SLC25A25: variants seen among roughly 807,000 people sequenced by gnomAD.
SLC25A25 encodes mitochondrial adenyl nucleotide antiporter SLC25A25.
Under a neutral mutation model 57.7 loss-of-function variants are expected in SLC25A25, and 32 were observed. That is an observed-to-expected ratio of 0.55 (90% CI 0.42 to 0.74). SLC25A25 has a LOEUF of 0.74. Among genes scored for constraint, SLC25A25 ranks in the 30% least tolerant of loss-of-function variants. SLC25A25 has a pLI of 0.00. For missense variants in SLC25A25, 556 were observed against 701.3 expected (o/e 0.79, Z 2.34); for synonymous variants, 306 against 291.2 (o/e 1.05, Z -0.52).
At chr9:128,069,067 G>A (rs1353255773) in intron 1 of SLC25A25, among the ~76,000 whole-genome samples, 2 of 152,226 alleles carry the variant, frequency 1.3e-5, no homozygotes, top group African/African-American at 2.4e-5. Context: ...AGGCTGATCC[G>A]TGTGGACGTT....
At chr9:128,091,589 T>A in intron 1 of SLC25A25, 2 of 1,089,974 alleles carry the variant, frequency 1.8e-6, no homozygotes, top group Non-Finnish European at 2.2e-6. Flanking sequence ...TTGCTCACCA[T>A]CACCTGCAGA....
At chr9:128,086,170 T>C (rs1245806076) in intron 1 of SLC25A25, among the ~76,000 whole-genome samples, 1 of 61,948 alleles carries the variant, frequency 1.6e-5, no homozygotes, top group African/African-American at 3.4e-5. Context: ...GTTTTTGTTG[T>C]TGTTTTTTTT....
At position 128,108,454 on chromosome 9, in the gene SLC25A25, C is replaced by T. The variant is rs1461278105; in HGVS notation, c.*1010C>T. 3 of 394,712 alleles carry T rather than the reference C, an allele frequency of 7.6e-6. No homozygotes were observed. Among genetic ancestry groups the T allele is most frequent in the African/African-American group, 6.2e-5 (3 of 48,566 alleles). The allele number at this position is 394,712 out of a possible 1,614,324, so 24.5% of individuals were successfully genotyped here. ...GACGCCCTGGGGGTTCCTGTCCAAC[C>T]CCAGCAGGGGCGCAGCGGGACCAGC... is the stretch of plus-strand genomic sequence containing the variant. On this transcript the variant is annotated 3_prime_UTR_variant, in exon 11 of 11. Transcript: ENST00000373069.
At chr9:128,080,242 CAA>C (rs1405094917) in intron 1 of SLC25A25, among the ~76,000 whole-genome samples, 1 of 47,206 alleles carries the variant, frequency 2.1e-5, no homozygotes, top group Non-Finnish European at 6.1e-5. Flanking sequence ...AAAAAAAAAA[CAA>C]AAAAACAAAA....
chr9:128,075,677 A>G (rs944251382), intron 1 of SLC25A25, among the ~76,000 whole-genome samples: 2 of 152,068 alleles, frequency 1.3e-5, no homozygotes, highest in Admixed American at 1.3e-4. Flanking sequence ...CCTCATCTCT[A>G]CTAAAAATAC....
chr9:128,070,341 G>A (rs956996469), intron 1 of SLC25A25, among the ~76,000 whole-genome samples: 6 of 149,198 alleles, frequency 4.0e-5, no homozygotes, highest in African/African-American at 1.2e-4. Context: ...CTTGTGATCC[G>A]CCCGCCTCAG....
At position 128,101,532 on chromosome 9, in the gene SLC25A25, C is replaced by T; in HGVS notation, c.476+136C>T. 2 of 925,202 alleles carry T rather than the reference C, an allele frequency of 2.2e-6. No homozygotes were observed. The highest frequency in any genetic ancestry group is 2.5e-5 in the Admixed American group (1 of 39,258). The allele number at this position is 925,202 out of a possible 1,614,324, so 57.3% of individuals were successfully genotyped here. A position where few individuals can be genotyped will look rare whatever the true frequency, so the allele number is the denominator to read the frequency against. ...GGTTTGAAAGGATGAATAAGTAACC[C>T]CTGTGGGAGGCCAGCCCCTCCCCAG... On this transcript the variant is annotated intron_variant, in intron 3 of 10. Transcript: ENST00000373069. The surrounding 1 kb of genome is among the most constrained non-coding windows in gnomAD (Gnocchi z 4.9).
chr9:128,069,464 C>T (rs1033284289), intron 1 of SLC25A25, among the ~76,000 whole-genome samples: 4 of 152,250 alleles, frequency 2.6e-5, no homozygotes, highest in Middle Eastern at 6.8e-3. Flanking sequence ...AATAGGACTC[C>T]TGAGTACTTT....
At position 128,108,338 on chromosome 9, in the gene SLC25A25, C is replaced by T. The variant is rs1466984743; in HGVS notation, c.*894C>T. The T allele has an allele frequency of 5.0e-6, 2 of 398,264 alleles. No individual in the cohort carries two copies. The highest frequency in any genetic ancestry group is 4.1e-5 in the African/African-American group (2 of 48,610). The allele number at this position is 398,264 out of a possible 1,614,324, so 24.7% of individuals were successfully genotyped here. A position where few individuals can be genotyped will look rare whatever the true frequency, so the allele number is the denominator to read the frequency against. On this transcript the variant is annotated 3_prime_UTR_variant, in exon 11 of 11. Coordinates refer to ENST00000373069, the MANE Select transcript of SLC25A25 (RefSeq NM_001330988.2). ...GGACTGTTGGGAAAAGGGTTTTGTC[C>T]AGAAGGACAAGCCGGACAAATGAGC...
chr9:128,071,316 C>T (rs949231975), intron 1 of SLC25A25, among the ~76,000 whole-genome samples: 27 of 152,230 alleles, frequency 1.8e-4, no homozygotes, highest in Non-Finnish European at 3.5e-4. Context: ...TCTTTGACTC[C>T]ATGACAGATC....
intron 1 of SLC25A25, chr9:128,094,327 C>T (rs1833498933): frequency 6.6e-6 from 1 of 152,122 alleles, no homozygotes; most frequent in Admixed American, 6.6e-5. Flanking sequence ...AGTTAATCTT[C>T]AGTTGGAGAA....
intron 1 of SLC25A25, among the ~76,000 whole-genome samples, chr9:128,083,513 C>CTTTTTTTTTTTTT (rs1315501906): frequency 4.3e-5 from 5 of 117,452 alleles, no homozygotes; most frequent in Non-Finnish European, 8.2e-5. Flanking sequence ...TTTCTTTTTT[C>CTTTTTTTTTTTTT]TTTTTTTTTT....
chr9:128,082,945 T>C (rs1833185592), intron 1 of SLC25A25, among the ~76,000 whole-genome samples: 1 of 151,940 alleles, frequency 6.6e-6, no homozygotes, highest in African/African-American at 2.4e-5. Flanking sequence ...TGTTTTTGTT[T>C]GAGGCCGGGC....
At chr9:128,086,034 A>G (rs1833265769) in intron 1 of SLC25A25, among the ~76,000 whole-genome samples, 1 of 152,088 alleles carries the variant, frequency 6.6e-6, no homozygotes, top group South Asian at 2.1e-4. Context: ...GTCAAAGTAC[A>G]TACTTTGTAT....
In SLC25A25 at chr9:128,103,731, G is replaced by A. The variant is rs747696280; in HGVS notation, c.675G>A (p.Glu225=). 15 of 1,614,098 alleles carry A rather than the reference G, an allele frequency of 9.3e-6. No homozygotes were observed. Among genetic ancestry groups the A allele is most frequent in the East Asian group, 2.2e-5 (1 of 44,892 alleles). ...CGGTCCCGGATGAGTTCACAGTGGAGGAGAGGCAGACGGGGATGTGGTGGA... is the reference window on the plus strand; with the variant it reads ...CGGTCCCGGATGAGTTCACAGTGGAAGAGAGGCAGACGGGGATGTGGTGGA... ...NLTVPDEFTV[E]ERQTGMWWRH... Residue 225 remains glutamate (E), a synonymous_variant, in exon 6 of 11, where the codon GAG becomes GAA. Transcript: ENST00000373069. This position sits in a 1 kb window ranked among gnomAD's most constrained non-coding sequence, Gnocchi z 6.7.
At position 128,107,493 on chromosome 9, in the gene SLC25A25, C is replaced by T. The variant is rs760523646; in HGVS notation, c.*49C>T. 3.3e-6 allele frequency: 5 copies of T among 1,496,602 alleles called. No individual in the cohort carries two copies. The highest frequency in any genetic ancestry group is 2.0e-4 in the Middle Eastern group (1 of 5,066). The allele number at this position is 1,496,602 out of a possible 1,614,324, so 92.7% of individuals were successfully genotyped here. Reference sequence around the variant, plus strand: ...GGACTCGCTGATCCTGGGCCGCAGCCTGGGGTGTGCAGCCATCTCATTCTG... The same window carrying T: ...GGACTCGCTGATCCTGGGCCGCAGCTTGGGGTGTGCAGCCATCTCATTCTG... On this transcript the variant is annotated 3_prime_UTR_variant, in exon 11 of 11. Coordinates refer to ENST00000373069, the MANE Select transcript of SLC25A25 (RefSeq NM_001330988.2).
intron 1 of SLC25A25, among the ~76,000 whole-genome samples, chr9:128,079,651 C>A (rs1405221865): frequency 6.7e-6 from 1 of 149,246 alleles, no homozygotes; most frequent in African/African-American, 2.5e-5. Flanking sequence ...GTGGCGCATG[C>A]CTGTAATCCC....
At chr9:128,094,954 C>A (rs985375518) in intron 1 of SLC25A25, among the ~76,000 whole-genome samples, 18 of 152,220 alleles carry the variant, frequency 1.2e-4, no homozygotes, top group Non-Finnish European at 5.9e-5. Flanking sequence ...AGATGAGGGT[C>A]TGTGCCACAA....
At position 128,101,307 on chromosome 9, in the gene SLC25A25, A is replaced by G; in HGVS notation, c.389-2A>G. 1 of 1,614,240 alleles carries G rather than the reference A, an allele frequency of 6.2e-7. No individual in the cohort carries two copies. Among genetic ancestry groups the G allele is most frequent in the Non-Finnish European group, 8.5e-7 (1 of 1,180,038 alleles). The stretch of plus-strand genomic sequence containing the variant: ...TCCTGCTCACGGCCTCTGTTCTTGC[A>G]GGACGCATTGACGCGCAGGAGATCA... On this transcript the variant is annotated splice_acceptor_variant, in intron 2 of 10. Transcript: ENST00000373069. LOFTEE classifies it high-confidence loss of function. The surrounding 1 kb of genome is among the most constrained non-coding windows in gnomAD (Gnocchi z 4.9).
Sources: gnomAD v4.1 joint callset for allele counts (sites outside exome capture counted in the v4.1 genomes callset) on GRCh38, gnomAD v4.1.1 for gene constraint, Gnocchi (gnomAD v3.1) non-coding constraint, MANE v1.5 for transcripts, NCBI Gene and HGNC (gene_info 2026-07-23, HGNC 2026-07-21) for gene names.